The following ZMAT4 variants were observed in gnomAD, a reference collection of about 807,000 sequenced individuals.
The protein encoded by ZMAT4 is zinc finger matrin-type protein 4.
ZMAT4 carries 17 observed loss-of-function variants against 28.7 expected under a neutral mutation model. The ratio of observed to expected loss-of-function variants is 0.59; its 90% CI spans 0.41 to 0.89. The LOEUF (loss-of-function observed/expected upper bound fraction) is 0.89, where lower values mean the gene tolerates loss of function less well. Ranked by LOEUF, ZMAT4 falls within the 40% of genes least tolerant of loss-of-function variation. The pLI is 0.00. For missense variants in ZMAT4, 240 were observed against 283.8 expected (o/e 0.85, Z 1.11); for synonymous variants, 117 against 109.2 (o/e 1.07, Z -0.44).
At chr8:40,805,899 C>T (rs555600197) in intron 2 of ZMAT4, among the ~76,000 whole-genome samples, 26 of 151,698 alleles carry the variant, frequency 1.7e-4, no homozygotes, top group Non-Finnish European at 3.2e-4. Context: ...TGTAACTAAC[C>T]TGCACATTGC....
chr8:40,536,520 C>A (rs910087157), intron 6 of ZMAT4, among the ~76,000 whole-genome samples: 3 of 152,308 alleles, frequency 2.0e-5, no homozygotes, highest in East Asian at 3.9e-4. Context: ...CCATTCCTGT[C>A]TTTTACTCAT....
intron 5 of ZMAT4, among the ~76,000 whole-genome samples, chr8:40,662,050 C>T (rs942438463): frequency 6.6e-6 from 1 of 152,206 alleles, no homozygotes; most frequent in African/African-American, 2.4e-5. Context: ...AGTCATGACT[C>T]ACTGTAATCT....
intron 3 of ZMAT4, among the ~76,000 whole-genome samples, chr8:40,705,382 T>C (rs1487731568): frequency 6.6e-6 from 1 of 152,078 alleles, no homozygotes; most frequent in Non-Finnish European, 1.5e-5. Context: ...GGTGGGAAGA[T>C]CACAGCACTT....
intron 6 of ZMAT4, among the ~76,000 whole-genome samples, chr8:40,577,743 T>C (rs1480602616): frequency 6.6e-6 from 1 of 152,010 alleles, no homozygotes; most frequent in Non-Finnish European, 1.5e-5. Context: ...CCCATAAATA[T>C]GTACAATTAT....
chr8:40,728,917 C>A (rs1811418455), intron 3 of ZMAT4, among the ~76,000 whole-genome samples: 1 of 152,168 alleles, frequency 6.6e-6, no homozygotes, highest in Admixed American at 6.5e-5. Flanking sequence ...TATTACTGGA[C>A]TTCATACGAA....
intron 3 of ZMAT4, among the ~76,000 whole-genome samples, chr8:40,709,112 A>C (rs1198430438): frequency 6.6e-6 from 1 of 152,222 alleles, no homozygotes; most frequent in Admixed American, 6.5e-5. Flanking sequence ...CAGCGTTTGC[A>C]TATAACCTAC....
At chr8:40,653,780 T>G (rs1807793208) in intron 5 of ZMAT4, among the ~76,000 whole-genome samples, 1 of 152,064 alleles carries the variant, frequency 6.6e-6, no homozygotes, top group African/African-American at 2.4e-5. Flanking sequence ...TCAAAAATAT[T>G]TCATACAAAA....
intron 2 of ZMAT4, among the ~76,000 whole-genome samples, chr8:40,776,410 T>C (rs955849552): frequency 1.4e-4 from 22 of 152,350 alleles, no homozygotes; most frequent in African/African-American, 4.6e-4. Flanking sequence ...GCTGTCTGCC[T>C]ACACAAGTGA....
At chr8:40,856,052 C>T (rs563424687) in intron 1 of ZMAT4, among the ~76,000 whole-genome samples, 207 of 152,158 alleles carry the variant, frequency 1.4e-3, no homozygotes, top group African/African-American at 4.5e-3. Context: ...ACCCTCCCCC[C>T]GGTAGGGAAT....
chr8:40,775,345 A>C (rs1399543759), intron 2 of ZMAT4, among the ~76,000 whole-genome samples: 1 of 152,224 alleles, frequency 6.6e-6, no homozygotes, highest in Non-Finnish European at 1.5e-5. Context: ...CAGGTCAGAG[A>C]GGAGCAAGGG....
intron 5 of ZMAT4, among the ~76,000 whole-genome samples, chr8:40,636,244 T>C (rs562345924): frequency 6.6e-6 from 1 of 152,350 alleles, no homozygotes; most frequent in Non-Finnish European, 1.5e-5. Flanking sequence ...GCCCTTTTCA[T>C]CTTGAGAAAC....
intron 1 of ZMAT4, among the ~76,000 whole-genome samples, chr8:40,896,110 TAG>T (rs1299629838): frequency 1.4e-4 from 21 of 152,278 alleles, no homozygotes; most frequent in African/African-American, 4.8e-4. Flanking sequence ...CCATTGTGAA[TAG>T]AGTTTCAATA....
At chr8:40,881,796 TAC>T (rs1479116890) in intron 1 of ZMAT4, among the ~76,000 whole-genome samples, 3 of 152,062 alleles carry the variant, frequency 2.0e-5, no homozygotes, top group Non-Finnish European at 4.4e-5. Flanking sequence ...ATTTTTTCCA[TAC>T]AGAGATGGGA....
chr8:40,647,592 C>A (rs1186474840), intron 5 of ZMAT4, among the ~76,000 whole-genome samples: 3 of 152,160 alleles, frequency 2.0e-5, no homozygotes, highest in African/African-American at 7.2e-5. Flanking sequence ...AGGAGGCCTG[C>A]CTGTCTCTGT....
chr8:40,893,196 C>T (rs967035133), intron 1 of ZMAT4, among the ~76,000 whole-genome samples: 1 of 152,160 alleles, frequency 6.6e-6, no homozygotes, highest in South Asian at 2.1e-4. Context: ...CAACATCTTC[C>T]GAGCTGCCCT....
intron 5 of ZMAT4, among the ~76,000 whole-genome samples, chr8:40,608,773 T>G: frequency 6.6e-6 from 1 of 152,286 alleles, no homozygotes; most frequent in East Asian, 1.9e-4. Flanking sequence ...CTGCTTCCTT[T>G]ACCCCTATAT....
At chr8:40,687,695 T>A (rs942918567) in intron 4 of ZMAT4, among the ~76,000 whole-genome samples, 1 of 152,314 alleles carries the variant, frequency 6.6e-6, no homozygotes, top group East Asian at 1.9e-4. Context: ...GACTAAATGT[T>A]CATTTACCAC....
intron 6 of ZMAT4, among the ~76,000 whole-genome samples, chr8:40,569,711 A>G (rs1804031622): frequency 6.6e-6 from 1 of 152,140 alleles, no homozygotes; most frequent in South Asian, 2.1e-4. Context: ...AGTCATAGCC[A>G]CCTGAACAGC....
At chr8:40,788,647 A>T (rs1814188476) in intron 2 of ZMAT4, among the ~76,000 whole-genome samples, 1 of 152,094 alleles carries the variant, frequency 6.6e-6, no homozygotes. Flanking sequence ...ATTCTACCAA[A>T]CATTAACAAA....
Sources: allele counts gnomAD v4.1 joint callset (sites outside exome capture counted in the v4.1 genomes callset), GRCh38; gene constraint gnomAD v4.1.1; transcripts MANE v1.5; gene names NCBI Gene and HGNC (gene_info 2026-07-23, HGNC 2026-07-21).